Variants in RAB5IF observed in about 807,000 individuals in gnomAD.
RAB5IF encodes the protein GEL complex subunit OPTI.
A neutral mutation model predicts 20.3 loss-of-function variants in RAB5IF; 15 were observed. The observed-to-expected ratio is 0.74, with a 90% CI of 0.50 to 1.14. RAB5IF has a LOEUF of 1.14. RAB5IF is among the 50% of genes most tolerant of loss of function. The pLI is 0.00. For synonymous variants in RAB5IF, 67 were observed against 63.7 expected, an observed-to-expected ratio of 1.05 and a Z score of -0.25; for missense variants, 148 against 159.5, an observed-to-expected ratio of 0.93 and a Z score of 0.39.
At chr20:36,607,563 A>T in intron 1 of RAB5IF, 152 bp from the exon 2 acceptor site, 1 of 783,644 alleles carries the variant, frequency 1.3e-6, no homozygotes, top group Non-Finnish European at 2.0e-6. Context: ...ATTTTAGTAT[A>T]AGTAAGAGGT....
rs2039144117 is a variant in RAB5IF at position 36,612,293 on chromosome 20, G to A, written c.*242G>A. ...TATCCATCACCAACCATTTCTTCTTGGATACCATCAAGTAACAGCTATTAT... is the reference window on the plus strand; with the variant it reads ...TATCCATCACCAACCATTTCTTCTTAGATACCATCAAGTAACAGCTATTAT... On this transcript the variant is annotated 3_prime_UTR_variant, in exon 4 of 4. Coordinates refer to ENST00000344795, the MANE Select transcript of RAB5IF (RefSeq NM_018840.5). 1 of 1,438,568 alleles carries A rather than the reference G, an allele frequency of 7.0e-7. No homozygotes were observed. Among genetic ancestry groups the A allele is most frequent in the African/African-American group, 1.4e-5 (1 of 71,278 alleles). The allele number at this position is 1,438,568 out of a possible 1,614,324, so 89.1% of individuals were successfully genotyped here.
chr20:36,611,960 G>A (rs772274515), intron 3 of RAB5IF, 50 bp from the exon 4 acceptor site: 59 of 1,606,696 alleles, frequency 3.7e-5, no homozygotes, highest in Middle Eastern at 1.7e-4. Flanking sequence ...TTGTGGAATC[G>A]GCCTGTGTTA....
chr20:36,609,006 C>A (rs960247105), intron 2 of RAB5IF, among the ~76,000 whole-genome samples: 2 of 151,708 alleles, frequency 1.3e-5, no homozygotes, highest in Non-Finnish European at 2.9e-5. Flanking sequence ...TATACTGTTG[C>A]TTGCTCAACT....
chr20:36,606,044 C>A lies in RAB5IF; in HGVS notation c.93C>A (p.Ser31Arg), dbSNP rs917991748. ...CCGTCTGGAGTAAGGTGCTGCGGAG[C>A]GACGCGGCCTGGGAGGATAAGGTAC... The part of the protein sequence containing the change: ...KVSVWSKVLR[S>R]DAAWEDKDEF... The change falls in exon 1 of 4, where the codon AGC (serine) becomes AGA (arginine). Residue 31 changes from serine to arginine, a missense_variant. Coordinates refer to ENST00000344795, the MANE Select transcript of RAB5IF (RefSeq NM_018840.5). 4.0e-6 allele frequency: 6 copies of A among 1,514,570 alleles called. No individual in the cohort carries two copies. The highest frequency in any genetic ancestry group is 4.1e-5 in the Admixed American group (2 of 48,352). 93.8% of individuals were successfully genotyped at this position (1,514,570 alleles called of 1,614,324 possible).
intron 3 of RAB5IF, 119 bp from the exon 4 acceptor site, chr20:36,611,891 T>C (rs2039132235): frequency 7.6e-7 from 1 of 1,322,282 alleles, no homozygotes; most frequent in Non-Finnish European, 1.1e-6. Flanking sequence ...AAGCAGACTG[T>C]GCAACGGATA....
chr20:36,609,131 T>C (rs1199935039), intron 2 of RAB5IF, among the ~76,000 whole-genome samples: 1 of 146,922 alleles, frequency 6.8e-6, no homozygotes, highest in East Asian at 2.0e-4. Context: ...ATTCTGTTAC[T>C]TCAAGGGGCT....
chr20:36,611,884 C>G lies in RAB5IF; in HGVS notation c.349-126C>G, dbSNP rs2039131957. ...AGTGAAATAATTTAGACCCCCCAAGCAGACTGTGCAACGGATAGCCCCTGG... is the reference window on the plus strand; with the variant it reads ...AGTGAAATAATTTAGACCCCCCAAGGAGACTGTGCAACGGATAGCCCCTGG... On this transcript the variant is annotated intron_variant, in intron 3 of 3. Coordinates refer to ENST00000344795, the MANE Select transcript of RAB5IF (RefSeq NM_018840.5). 4 of 1,238,400 alleles carry G rather than the reference C, an allele frequency of 3.2e-6. No homozygotes were observed. The Admixed American group carries it at 7.6e-5, about 24-fold the overall frequency. 76.7% of individuals were successfully genotyped at this position (1,238,400 alleles called of 1,614,324 possible).
chr20:36,609,873 G>C, intron 3 of RAB5IF, 143 bp downstream of exon 3: 1 of 1,435,066 alleles, frequency 7.0e-7, no homozygotes, highest in Non-Finnish European at 9.7e-7. Context: ...GCCATGGCCT[G>C]TGTTGAGCCA....
rs755933103 is a variant in RAB5IF at position 36,607,704 on chromosome 20, CTT to C, written c.115-8_115-7del. On this transcript the variant is annotated splice_polypyrimidine_tract_variant and intron_variant, in intron 1 of 3. Transcript: ENST00000344795. ...TCCAGATAATTCTTGCATTTTCTGT[CTT>C]TTCTACAGGATGAATTTTTAGATGT... is the stretch of plus-strand genomic sequence containing the variant. 9.9e-6 allele frequency: 16 copies of C among 1,613,614 alleles called. No homozygotes were observed. The highest frequency in any genetic ancestry group is 3.3e-4 in the Middle Eastern group (2 of 6,058).
At chr20:36,610,224 C>T (rs2039074782) in intron 3 of RAB5IF, among the ~76,000 whole-genome samples, 1 of 151,910 alleles carries the variant, frequency 6.6e-6, no homozygotes, top group African/African-American at 2.4e-5. Context: ...GCGGAGGTTG[C>T]AGTGAGCCAA....
chr20:36,611,493 CAAAA>C lies in RAB5IF; in HGVS notation c.349-498_349-495del, dbSNP rs60975859. On this transcript the variant is annotated intron_variant, in intron 3 of 3. Transcript: ENST00000344795. ...GTACCTGTTGAGTCCCAGCAGGACTCAAAAAAAAAAAAAAAAAAAAAACCACAAA... is the reference window on the plus strand; with the variant it reads ...GTACCTGTTGAGTCCCAGCAGGACTCAAAAAAAAAAAAAAAAAACCACAAA... 5.4e-4 allele frequency among the ~76,000 whole-genome samples: 25 copies of C among 46,544 alleles called. No individual in the cohort carries two copies. In the East Asian group the frequency reaches 7.6e-3, roughly 14 times the overall value. The allele number at this position is 46,544 out of a possible 152,430, so 30.5% of individuals were successfully genotyped here. A position where few individuals can be genotyped will look rare whatever the true frequency, so the allele number is the denominator to read the frequency against.
Position 36,612,409 on chromosome 20 carries a change from G to A in RAB5IF, c.*358G>A. 1 of 635,392 alleles carries A rather than the reference G, an allele frequency of 1.6e-6. No individual in the cohort carries two copies. The highest frequency in any genetic ancestry group is 2.7e-6 in the Non-Finnish European group (1 of 365,572). The allele number at this position is 635,392 out of a possible 1,614,324, so 39.4% of individuals were successfully genotyped here. ...TCCTCGATTCTCCATCGGGTGTAGAGTTTTTAAACTATCAATGGCATTTCA... is the reference window on the plus strand; with the variant it reads ...TCCTCGATTCTCCATCGGGTGTAGAATTTTTAAACTATCAATGGCATTTCA... On this transcript the variant is annotated 3_prime_UTR_variant, in exon 4 of 4. Coordinates refer to ENST00000344795, the MANE Select transcript of RAB5IF (RefSeq NM_018840.5).
intron 1 of RAB5IF, among the ~76,000 whole-genome samples, chr20:36,607,130 G>A (rs1219588526): frequency 6.6e-6 from 1 of 152,074 alleles, no homozygotes; most frequent in Non-Finnish European, 1.5e-5. Flanking sequence ...GTTCTAATCC[G>A]TATGTGCGGC....
At chr20:36,607,898 A>T (rs923352037) in intron 2 of RAB5IF, 80 bp downstream of exon 2, 3 of 1,586,222 alleles carry the variant, frequency 1.9e-6, no homozygotes, top group Non-Finnish European at 2.6e-6. Context: ...AGGAAAGGCC[A>T]TTGCTGCTCT....
chr20:36,609,605 T>C lies in RAB5IF; in HGVS notation c.223T>C (p.Cys75Arg). ...ACTTGTTCTCTGTTGCTCCAGATTC[T>C]GCCTGATCAATGCAGGAGTCCTGTA... Reference protein sequence around the residue: ...LRGFLGIAGFCLINAGVLYLY... With the variant: ...LRGFLGIAGFRLINAGVLYLY... The change falls in exon 3 of 4, where the codon TGC becomes CGC. Residue 75 changes from cysteine (C) to arginine (R), a missense_variant. Physicochemically the swap from Cys to Arg is radical, Grantham distance 180. Coordinates refer to ENST00000344795, the MANE Select transcript of RAB5IF (RefSeq NM_018840.5). 6.3e-7 allele frequency: 1 copy of C among 1,591,420 alleles called. No individual in the cohort carries two copies. The highest frequency in any genetic ancestry group is 8.6e-7 in the Non-Finnish European group (1 of 1,169,166).
chr20:36,607,523 C>T (rs943458570), intron 1 of RAB5IF, among the ~76,000 whole-genome samples, 192 bp from the exon 2 acceptor site: 1 of 152,156 alleles, frequency 6.6e-6, no homozygotes, highest in Non-Finnish European at 1.5e-5. Flanking sequence ...AGCCACCACG[C>T]CCAGCCCCTA....
intron 1 of RAB5IF, among the ~76,000 whole-genome samples, chr20:36,606,541 T>C (rs1403961016): frequency 6.6e-6 from 1 of 152,242 alleles, no homozygotes; most frequent in East Asian, 1.9e-4. Flanking sequence ...AGTGGGGTAC[T>C]GTGGTACATT....
At chr20:36,607,258 T>TC (rs2038956298) in intron 1 of RAB5IF, among the ~76,000 whole-genome samples, 2 of 146,700 alleles carry the variant, frequency 1.4e-5, no homozygotes, top group Admixed American at 6.7e-5. Context: ...TCTAAATGTA[T>TC]CTTTTTTTTT....
In RAB5IF at chr20:36,605,922, C is replaced by T. The variant is rs1199739023; in HGVS notation, c.-30C>T. 2.1e-6 allele frequency: 3 copies of T among 1,424,644 alleles called. No homozygotes were observed. Among genetic ancestry groups the T allele is most frequent in the Non-Finnish European group, 2.8e-6 (3 of 1,072,672 alleles). The allele number at this position is 1,424,644 out of a possible 1,614,324, so 88.3% of individuals were successfully genotyped here. On this transcript the variant is annotated 5_prime_UTR_variant, in exon 1 of 4. Transcript: ENST00000344795. ...TCCCTTTGGCTCAGCCCGCGCGCCC[C>T]AGGCCCGGCCCGGGCGGCGCGACGG...
Sources: gnomAD v4.1 joint callset for allele counts (sites outside exome capture counted in the v4.1 genomes callset) on GRCh38, gnomAD v4.1.1 for gene constraint, MANE v1.5 for transcripts, NCBI Gene and HGNC (gene_info 2026-07-23, HGNC 2026-07-21) for gene names.